Variants in LDLRAD4 observed in about 807,000 individuals in gnomAD.
The protein encoded by LDLRAD4 is low density lipoprotein receptor class A domain containing 4.
LDLRAD4 carries 5 observed loss-of-function variants against 17.0 expected under a neutral mutation model. The ratio of observed to expected loss-of-function variants is 0.29; its 90% confidence interval spans 0.15 to 0.62. The LOEUF (loss-of-function observed/expected upper bound fraction) is 0.62, where lower values mean the gene tolerates loss of function less well. Ranked by LOEUF, LDLRAD4 falls within the 20% of genes least tolerant of loss-of-function variation. LDLRAD4 has a pLI of 0.84. For missense variants in LDLRAD4, 340 were observed against 424.7 expected, an observed-to-expected ratio of 0.80 and a Z score of 1.75; for synonymous variants, 168 against 171.8, an observed-to-expected ratio of 0.98 and a Z score of 0.17.
chr18:13,219,197 T>TGGGTCACCTACCTGGA (rs2041311561), intron 1 of LDLRAD4, among the ~76,000 whole-genome samples: 2 of 151,848 alleles, frequency 1.3e-5, no homozygotes. Context: ...ACAGCGTTCT[T>TGGGTCACCTACCTGGA]GGGTCACCTA....
At chr18:13,585,931 C>A (rs998492019) in intron 3 of LDLRAD4, among the ~76,000 whole-genome samples, 2 of 152,158 alleles carry the variant, frequency 1.3e-5, no homozygotes, top group Non-Finnish European at 2.9e-5. Context: ...TGAACTTGTC[C>A]ATCAAACCTT....
chr18:13,583,734 G>A lies in LDLRAD4; in HGVS notation c.182-37383G>A, dbSNP rs537337244. On this transcript the variant is annotated intron_variant, in intron 3 of 5. Coordinates refer to ENST00000359446, the Ensembl canonical transcript of LDLRAD4. Reference sequence around the variant, plus strand: ...ACAAGTAGTGTTGGGGGGCCCGGCCGCGCCGAAGCCTGCTTGAGTCACCGA... The same window carrying A: ...ACAAGTAGTGTTGGGGGGCCCGGCCACGCCGAAGCCTGCTTGAGTCACCGA... Among the ~76,000 whole-genome samples, 236 of 152,096 alleles carry A rather than the reference G, an allele frequency of 1.6e-3. 2 individuals are homozygous for A. The highest frequency in any genetic ancestry group is 3.0e-3 in the Non-Finnish European group (202 of 67,996).
chr18:13,448,006 AG>A (rs1330321071), intron 3 of LDLRAD4, among the ~76,000 whole-genome samples: 1 of 152,102 alleles, frequency 6.6e-6, no homozygotes, highest in African/African-American at 2.4e-5. Context: ...GTGTAGGGAG[AG>A]GGGGTGCTAA....
At chr18:13,226,919 G>A (rs2041840851) in intron 1 of LDLRAD4, among the ~76,000 whole-genome samples, 1 of 152,124 alleles carries the variant, frequency 6.6e-6, no homozygotes, top group African/African-American at 2.4e-5. Context: ...AATGGAGAAT[G>A]AGGGCCAGGA....
intron 3 of LDLRAD4, chr18:13,521,635 T>C (rs1455270151): frequency 6.6e-6 from 1 of 151,990 alleles, no homozygotes; most frequent in East Asian, 1.9e-4. Context: ...AGTTGCTGCA[T>C]TTGATTTGGA....
At chr18:13,373,155 A>ATGTG (rs35632499) in intron 1 of LDLRAD4, among the ~76,000 whole-genome samples, 36,505 of 149,510 alleles carry the variant, frequency 0.24, 4,965 homozygotes, top group Non-Finnish European at 0.3. Flanking sequence ...CAACTGTTTA[A>ATGTG]TGTGTGTGTG....
At chr18:13,220,944 G>A (rs2041418766) in intron 1 of LDLRAD4, among the ~76,000 whole-genome samples, 1 of 152,180 alleles carries the variant, frequency 6.6e-6, no homozygotes, top group Non-Finnish European at 1.5e-5. Flanking sequence ...GGAGGTGACT[G>A]CTCTACGTCA....
At chr18:13,476,957 A>G (rs1333774094) in intron 3 of LDLRAD4, among the ~76,000 whole-genome samples, 1 of 152,088 alleles carries the variant, frequency 6.6e-6, no homozygotes, top group East Asian at 1.9e-4. Flanking sequence ...AAGTTCTCTA[A>G]TTATATTTTT....
At chr18:13,358,965 T>C (rs186206615) in intron 1 of LDLRAD4, among the ~76,000 whole-genome samples, 25 of 152,310 alleles carry the variant, frequency 1.6e-4, no homozygotes, top group Non-Finnish European at 3.2e-4. Flanking sequence ...AAAAGAATAG[T>C]AGTAAACCAA....
In LDLRAD4 at chr18:13,239,194, A is replaced by AAG. The variant is rs1387421941; in HGVS notation, c.-467+20207_-467+20208insGA. On this transcript the variant is annotated intron_variant, in intron 1 of 5. Transcript: ENST00000399848. ...AGAGCAAGACTCTGTCTCAAAAAAA[A>AAG]AAAAAAAAAATTGCTGCTTGTAACT... Among the ~76,000 whole-genome samples the AAG allele has an allele frequency of 9.0e-4, 135 of 150,834 alleles. 1 individual carries two copies. Among genetic ancestry groups the AAG allele is most frequent in the Non-Finnish European group, 1.6e-4 (11 of 67,518 alleles).
chr18:13,432,535 C>G (rs2090411479), intron 2 of LDLRAD4, among the ~76,000 whole-genome samples: 1 of 152,172 alleles, frequency 6.6e-6, no homozygotes, highest in African/African-American at 2.4e-5. Flanking sequence ...AATGCCTGCC[C>G]AAGGGCCAGT....
intron 1 of LDLRAD4, among the ~76,000 whole-genome samples, chr18:13,375,447 C>T (rs1020213553): frequency 5.9e-5 from 9 of 152,142 alleles, no homozygotes; most frequent in East Asian, 3.8e-4. Flanking sequence ...ATGTCTCCGA[C>T]GTGGGGAATC....
chr18:13,641,706 G>T (rs926333129), intron 4 of LDLRAD4: 13 of 973,758 alleles, frequency 1.3e-5, no homozygotes, highest in Middle Eastern at 1.0e-3. Context: ...TGGCGGGGCC[G>T]CCAGTCGGCG....
intron 3 of LDLRAD4, chr18:13,491,601 A>C (rs543947582): frequency 2.0e-5 from 3 of 152,358 alleles, no homozygotes; most frequent in South Asian, 2.1e-4. Context: ...ATTGGGATTT[A>C]GTAAGCTATA....
rs74396657 is a variant in LDLRAD4 at position 13,244,666 on chromosome 18, A to T, written c.-467+25678A>T. ...TACGTTTACACCTGCAAGTGTTGCC[A>T]TCAAAAGCTTAGGCCTCTCCTTCCC... On this transcript the variant is annotated intron_variant, in intron 1 of 5. Coordinates refer to the LDLRAD4 transcript ENST00000399848. Among the ~76,000 whole-genome samples, 548 of 152,220 alleles carry T rather than the reference A, an allele frequency of 3.6e-3. 1 individual carries two copies. Among genetic ancestry groups the T allele is most frequent in the African/African-American group, 0.013 (523 of 41,524 alleles).
intron 1 of LDLRAD4, among the ~76,000 whole-genome samples, chr18:13,368,145 G>A (rs1261646952): frequency 2.6e-5 from 4 of 152,166 alleles, no homozygotes; most frequent in Non-Finnish European, 5.9e-5. Flanking sequence ...GCAGATAAAG[G>A]TGTGGAGCCC....
At chr18:13,644,400 C>CAA (rs5823265) in intron 5 of LDLRAD4, among the ~76,000 whole-genome samples, 17 of 58,550 alleles carry the variant, frequency 2.9e-4, no homozygotes, top group Non-Finnish European at 4.8e-4. Context: ...AACCCCATCT[C>CAA]AAAAAAAAAA....
At chr18:13,411,647 A>C (rs765766244) in intron 2 of LDLRAD4, among the ~76,000 whole-genome samples, 1 of 152,126 alleles carries the variant, frequency 6.6e-6, no homozygotes, top group Admixed American at 6.6e-5. Context: ...GTAAGACGTG[A>C]CTTTGCTCCT....
intron 1 of LDLRAD4, among the ~76,000 whole-genome samples, chr18:13,297,841 C>T (rs975065073): frequency 2.0e-5 from 3 of 152,362 alleles, no homozygotes; most frequent in Non-Finnish European, 2.9e-5. Flanking sequence ...CCCTACCAGG[C>T]CCATCGGTGG....
Sources: allele counts gnomAD v4.1 joint callset (sites outside exome capture counted in the v4.1 genomes callset), GRCh38; gene constraint gnomAD v4.1.1; transcripts MANE v1.5; gene names NCBI Gene and HGNC (gene_info 2026-07-23, HGNC 2026-07-21).